MACROD2: variants seen among roughly 807,000 people sequenced by gnomAD.
MACROD2 encodes ADP-ribose glycohydrolase MACROD2.
Under a neutral mutation model 70.4 loss-of-function variants are expected in MACROD2, and 36 were observed. The observed-to-expected ratio is 0.51, with a 90% CI of 0.39 to 0.68. The LOEUF (loss-of-function observed/expected upper bound fraction) is 0.68. Among genes scored for constraint, MACROD2 ranks in the 30% least tolerant of loss-of-function variants. The pLI is 0.00. For synonymous variants in MACROD2, 172 were observed against 178.8 expected, an observed-to-expected ratio of 0.96 and a Z score of 0.30; for missense variants, 496 against 538.4, an observed-to-expected ratio of 0.92 and a Z score of 0.78.
intron 7 of MACROD2, among the ~76,000 whole-genome samples, chr20:15,449,829 C>T (rs565411955): frequency 6.6e-6 from 1 of 152,112 alleles, no homozygotes; most frequent in East Asian, 1.9e-4. Flanking sequence ...CCCGTCTCTA[C>T]TAAAAATACA....
chr20:14,087,286 C>T (rs2054089468), intron 3 of MACROD2, among the ~76,000 whole-genome samples: 1 of 151,894 alleles, frequency 6.6e-6, no homozygotes, highest in Non-Finnish European at 1.5e-5. Flanking sequence ...GTCCCAGCTA[C>T]TCGGGAGGCT....
At chr20:14,266,375 G>C (rs1244513027) in intron 3 of MACROD2, among the ~76,000 whole-genome samples, 1 of 152,134 alleles carries the variant, frequency 6.6e-6, no homozygotes, top group Non-Finnish European at 1.5e-5. Flanking sequence ...AAGCCTTTGA[G>C]AGGAATCAGG....
intron 4 of MACROD2, among the ~76,000 whole-genome samples, chr20:14,566,072 A>C (rs558246522): frequency 6.6e-6 from 1 of 152,120 alleles, no homozygotes; most frequent in Admixed American, 6.6e-5. Context: ...AAAAATAGAT[A>C]AATTGGATGA....
chr20:14,441,537 T>G (rs1456905192), intron 3 of MACROD2, among the ~76,000 whole-genome samples: 1 of 152,196 alleles, frequency 6.6e-6, no homozygotes, highest in Non-Finnish European at 1.5e-5. Flanking sequence ...TCATCTGTAG[T>G]GACCGTTTTC....
At position 14,630,523 on chromosome 20, in the gene MACROD2, A is replaced by C. The variant is rs375974938; in HGVS notation, c.302-54320A>C. On this transcript the variant is annotated intron_variant, in intron 4 of 17. Coordinates refer to ENST00000684519, the MANE Select transcript of MACROD2 (RefSeq NM_001351661.2). ...AAAATTCATGTAACTCTTAGCAATG[A>C]TTTAGGCTTTCCAAACAACGTAAAT... 2.0e-5 allele frequency among the ~76,000 whole-genome samples: 3 copies of C among 152,324 alleles called. No individual in the cohort carries two copies. The East Asian group carries it at 5.8e-4, about 29-fold the overall frequency.
At chr20:15,975,791 C>A (rs563335471) in intron 13 of MACROD2, among the ~76,000 whole-genome samples, 2 of 152,256 alleles carry the variant, frequency 1.3e-5, no homozygotes, top group African/African-American at 2.4e-5. Flanking sequence ...AAGGAAATTG[C>A]ATTTCTTTTG....
intron 5 of MACROD2, among the ~76,000 whole-genome samples, chr20:14,900,641 G>A (rs1003080398): frequency 3.3e-5 from 5 of 151,690 alleles, no homozygotes; most frequent in Admixed American, 3.3e-4. Flanking sequence ...GTTTCTGCGA[G>A]GTCAGTAGTA....
At chr20:15,962,628 T>C (rs1213328067) in intron 12 of MACROD2, among the ~76,000 whole-genome samples, 1 of 152,238 alleles carries the variant, frequency 6.6e-6, no homozygotes, top group African/African-American at 2.4e-5. Context: ...CACAGGGTGA[T>C]GATCCCTAAT....
At chr20:15,797,407 G>A (rs111880758) in intron 8 of MACROD2, among the ~76,000 whole-genome samples, 3 of 152,136 alleles carry the variant, frequency 2.0e-5, no homozygotes, top group African/African-American at 7.2e-5. Context: ...GAGCCACCGC[G>A]CCCAGCCTTG....
intron 3 of MACROD2, among the ~76,000 whole-genome samples, chr20:14,108,475 TAAAA>T (rs371559271): frequency 2.0e-5 from 2 of 98,312 alleles, no homozygotes; most frequent in African/African-American, 7.3e-5. Context: ...GCTAAGTGGA[TAAAA>T]AAAAAAAAAA....
intron 12 of MACROD2, among the ~76,000 whole-genome samples, chr20:15,964,464 T>C (rs1252998955): frequency 6.6e-6 from 1 of 152,132 alleles, no homozygotes; most frequent in South Asian, 2.1e-4. Flanking sequence ...ATCTCATTCA[T>C]GAAGCCTCCA....
chr20:13,999,909 G>C (rs1191626849), intron 1 of MACROD2, among the ~76,000 whole-genome samples: 1 of 152,126 alleles, frequency 6.6e-6, no homozygotes, highest in Non-Finnish European at 1.5e-5. Flanking sequence ...AGCTACTCAG[G>C]AGGCTGAGGC....
chr20:15,232,254 G>T (rs1035717355), intron 6 of MACROD2, among the ~76,000 whole-genome samples: 1 of 151,992 alleles, frequency 6.6e-6, no homozygotes, highest in African/African-American at 2.4e-5. Flanking sequence ...ATGTTTTATA[G>T]TATAGGCTTG....
At chr20:14,027,410 T>A (rs952888112) in intron 2 of MACROD2, among the ~76,000 whole-genome samples, 1 of 152,066 alleles carries the variant, frequency 6.6e-6, no homozygotes, top group African/African-American at 2.4e-5. Context: ...AGAGCATGCT[T>A]CTTTAGCTTG....
chr20:14,247,621 G>A (rs1418736016), intron 3 of MACROD2, among the ~76,000 whole-genome samples: 2 of 152,134 alleles, frequency 1.3e-5, no homozygotes, highest in Non-Finnish European at 1.5e-5. Flanking sequence ...TTTGAGTGCC[G>A]ACGTGATGCC....
chr20:15,760,811 A>G (rs531702096), intron 8 of MACROD2, among the ~76,000 whole-genome samples: 1 of 152,316 alleles, frequency 6.6e-6, no homozygotes, highest in African/African-American at 2.4e-5. Flanking sequence ...CAAATTCGCA[A>G]TTCTATTTCA....
At chr20:15,623,384 T>C (rs541805073) in intron 8 of MACROD2, among the ~76,000 whole-genome samples, 219 of 152,344 alleles carry the variant, frequency 1.4e-3, no homozygotes, top group African/African-American at 5.1e-3. Flanking sequence ...TAAATGAATA[T>C]GTTAATGACT....
intron 4 of MACROD2, among the ~76,000 whole-genome samples, chr20:14,632,702 A>G (rs564840267): frequency 2.0e-5 from 3 of 152,356 alleles, no homozygotes; most frequent in Admixed American, 2.0e-4. Flanking sequence ...ATTTAAAAGT[A>G]TAGTAAACAA....
At chr20:14,289,609 G>A (rs1004473153) in intron 3 of MACROD2, among the ~76,000 whole-genome samples, 5 of 152,176 alleles carry the variant, frequency 3.3e-5, no homozygotes, top group Admixed American at 1.3e-4. Context: ...TGGCATGATC[G>A]CAGCTTACTG....
Sources: gnomAD v4.1 joint callset for allele counts (sites outside exome capture counted in the v4.1 genomes callset) on GRCh38, gnomAD v4.1.1 for gene constraint, MANE v1.5 for transcripts, NCBI Gene and HGNC (gene_info 2026-07-23, HGNC 2026-07-21) for gene names.